Variants in SLC10A2 observed in about 807,000 individuals in gnomAD.
SLC10A2 encodes ileal sodium/bile acid cotransporter.
Under a neutral mutation model 27.1 loss-of-function variants are expected in SLC10A2, and 34 were observed. That is an observed-to-expected ratio of 1.26 (90% confidence interval 0.96 to 1.67). The LOEUF is 1.67. SLC10A2 is among the 40% of genes most tolerant of loss of function. The probability of loss-of-function intolerance (pLI) is 0.00; values close to 1 mark genes in which losing one functional copy is unlikely to be tolerated. For synonymous variants in SLC10A2, 205 were observed against 174.0 expected (o/e 1.18, Z -1.40); for missense variants, 530 against 444.4 (o/e 1.19, Z -1.73).
At chr13:103,049,180 T>C in intron 5 of SLC10A2, 109 bp downstream of exon 5, 1 of 1,185,676 alleles carries the variant, frequency 8.4e-7, no homozygotes, top group Non-Finnish European at 1.2e-6. Context: ...TCCTCTCATA[T>C]ATTTGTACAA....
At chr13:103,057,085 G>T (rs975978167) in intron 2 of SLC10A2, among the ~76,000 whole-genome samples, 2 of 152,150 alleles carry the variant, frequency 1.3e-5, no homozygotes, top group South Asian at 4.1e-4. Flanking sequence ...TTTAGCCTTT[G>T]CTTGGATGCT....
chr13:103,058,399 A>C lies in SLC10A2; in HGVS notation c.378-17T>G, dbSNP rs1384997391. On this transcript the variant is annotated splice_polypyrimidine_tract_variant and intron_variant, in intron 1 of 5. Transcript: ENST00000245312. ...ATGCTGACGCTGAAAGGCAATGGGC[A>C]GATTGATACATCCACCTGTGGTGTT... 2.2e-6 allele frequency: 3 copies of C among 1,367,172 alleles called. No individual in the cohort carries two copies. Among genetic ancestry groups the C allele is most frequent in the Non-Finnish European group, 1.0e-6 (1 of 954,982 alleles). The allele number at this position is 1,367,172 out of a possible 1,614,324, so 84.7% of individuals were successfully genotyped here. A position where few individuals can be genotyped will look rare whatever the true frequency, so the allele number is the denominator to read the frequency against.
chr13:103,059,749 A>G (rs1182789600), intron 1 of SLC10A2, among the ~76,000 whole-genome samples: 1 of 152,210 alleles, frequency 6.6e-6, no homozygotes, highest in South Asian at 2.1e-4. Context: ...GTGTCTGACC[A>G]TGCTGAGATG....
rs201887831 is a variant in SLC10A2 at position 103,049,407 on chromosome 13, C to T, written c.801G>A (p.Thr267=). 46 of 1,613,844 alleles carry T rather than the reference C, an allele frequency of 2.9e-5. No individual in the cohort carries two copies. Among genetic ancestry groups the T allele is most frequent in the South Asian group, 2.1e-4 (19 of 91,090 alleles). Residue 267 remains threonine (T), a synonymous_variant, in exon 5 of 6, where the codon ACG becomes ACA. Transcript: ENST00000245312. ...TVAFETGMQN[T]QLCSTIVQLS... Reference sequence around the variant, plus strand: ...GCTGAACGATGGTGGAACATAGCTGCGTGTTCTGCATCCCCGTTTCAAAAG... The same window carrying T: ...GCTGAACGATGGTGGAACATAGCTGTGTGTTCTGCATCCCCGTTTCAAAAG...
intron 2 of SLC10A2, among the ~76,000 whole-genome samples, chr13:103,055,155 G>A (rs943418029): frequency 3.9e-5 from 6 of 152,102 alleles, no homozygotes; most frequent in African/African-American, 1.4e-4. Flanking sequence ...CTGAGCTTTT[G>A]TTTCCTCATT....
intron 1 of SLC10A2, among the ~76,000 whole-genome samples, chr13:103,059,991 T>A (rs1876058711): frequency 6.6e-6 from 1 of 152,230 alleles, no homozygotes; most frequent in Non-Finnish European, 1.5e-5. Flanking sequence ...AACTAGTGTC[T>A]GGTATCATCC....
At chr13:103,048,810 A>AAT (rs1334891840) in intron 5 of SLC10A2, among the ~76,000 whole-genome samples, 5 of 152,214 alleles carry the variant, frequency 3.3e-5, no homozygotes, top group East Asian at 1.9e-4. Context: ...GGGTATTTAA[A>AAT]ATATATATAT....
At chr13:103,065,290 T>A (rs1303506245) in intron 1 of SLC10A2, among the ~76,000 whole-genome samples, 1 of 152,164 alleles carries the variant, frequency 6.6e-6, no homozygotes, top group East Asian at 1.9e-4. Flanking sequence ...AAGGTAAGCA[T>A]AATTTTAAAA....
At chr13:103,057,170 C>T (rs1875962557) in intron 2 of SLC10A2, among the ~76,000 whole-genome samples, 1 of 152,022 alleles carries the variant, frequency 6.6e-6, no homozygotes, top group Non-Finnish European at 1.5e-5. Flanking sequence ...GGGAAAAAAA[C>T]CCAGGTATTT....
chr13:103,052,376 C>T (rs1875808136), intron 3 of SLC10A2, among the ~76,000 whole-genome samples: 2 of 152,076 alleles, frequency 1.3e-5, no homozygotes, highest in Admixed American at 1.3e-4. Flanking sequence ...AATCCCAGCA[C>T]TTTGGAAGGA....
chr13:103,051,793 G>A (rs1248343658), intron 3 of SLC10A2, among the ~76,000 whole-genome samples: 13 of 152,256 alleles, frequency 8.5e-5, no homozygotes, highest in South Asian at 4.1e-4. Context: ...CAGTAAATCA[G>A]GAACTTTCTG....
intron 2 of SLC10A2, among the ~76,000 whole-genome samples, chr13:103,054,941 A>G (rs1053379902): frequency 1.2e-4 from 18 of 152,276 alleles, no homozygotes; most frequent in African/African-American, 4.3e-4. Flanking sequence ...GCATCCACTC[A>G]TGGTTACACA....
chr13:103,058,286 G>T lies in SLC10A2; in HGVS notation c.474C>A (p.Ile158=), dbSNP rs371460461. ...TACCTATGTTATCATAGGGAATTAC[G>T]ATGCTCCCAGAGTCGACCCACATTT... ...YTKMWVDSGS[I]VIPYDNIGTS... is the part of the protein sequence containing the mutation. The change falls in exon 2 of 6, where the codon ATC becomes ATA. Residue 158 remains isoleucine, a synonymous_variant. Transcript: ENST00000245312. The T allele has an allele frequency of 6.2e-7, 1 of 1,603,464 alleles. No homozygotes were observed. The highest frequency in any genetic ancestry group is 8.5e-7 in the Non-Finnish European group (1 of 1,170,352).
intron 1 of SLC10A2, among the ~76,000 whole-genome samples, chr13:103,060,558 T>C (rs1876086153): frequency 2.6e-5 from 4 of 151,992 alleles, no homozygotes; most frequent in Admixed American, 2.6e-4. Flanking sequence ...AAATTTTTTG[T>C]AGAGATGGGG....
intron 2 of SLC10A2, among the ~76,000 whole-genome samples, chr13:103,056,270 A>G (rs558290254): frequency 8.5e-5 from 13 of 152,354 alleles, no homozygotes; most frequent in African/African-American, 2.4e-4. Flanking sequence ...TATTTTACAT[A>G]TAACAATATC....
intron 2 of SLC10A2, among the ~76,000 whole-genome samples, chr13:103,056,506 G>C (rs1252699020): frequency 6.6e-6 from 1 of 152,020 alleles, no homozygotes; most frequent in Non-Finnish European, 1.5e-5. Flanking sequence ...TCTCAGAAGG[G>C]AATGTATATC....
chr13:103,047,117 A>T (rs1195312080), intron 5 of SLC10A2, among the ~76,000 whole-genome samples: 1 of 152,232 alleles, frequency 6.6e-6, no homozygotes, highest in African/African-American at 2.4e-5. Flanking sequence ...TAAAATGGCC[A>T]TAATAATATT....
intron 4 of SLC10A2, among the ~76,000 whole-genome samples, chr13:103,050,460 C>A (rs1225311541): frequency 6.6e-6 from 1 of 152,180 alleles, no homozygotes; most frequent in Non-Finnish European, 1.5e-5. Flanking sequence ...GGTACCAAAT[C>A]CAGAAGTGTG....
At position 103,045,805 on chromosome 13, in the gene SLC10A2, GT is replaced by G. The variant is rs1566509759; in HGVS notation, c.*327del. On this transcript the variant is annotated 3_prime_UTR_variant, in exon 6 of 6. Transcript: ENST00000245312. ...CTAGGAAATTCTGCATAAGAATTCA[GT>G]TTTGGTGTTAAAGATGTTTTCATTC... 1 of 202,636 alleles carries G rather than the reference GT, an allele frequency of 4.9e-6. No individual in the cohort carries two copies. Among genetic ancestry groups the G allele is most frequent in the African/African-American group, 2.3e-5 (1 of 42,580 alleles). The allele number at this position is 202,636 out of a possible 1,614,324, so 12.6% of individuals were successfully genotyped here. A position where few individuals can be genotyped will look rare whatever the true frequency, so the allele number is the denominator to read the frequency against.
Sources: gnomAD v4.1 joint callset for allele counts (sites outside exome capture counted in the v4.1 genomes callset) on GRCh38, gnomAD v4.1.1 for gene constraint, MANE v1.5 for transcripts, NCBI Gene and HGNC (gene_info 2026-07-23, HGNC 2026-07-21) for gene names.